CELF4: variants seen among roughly 807,000 people sequenced by gnomAD.
CELF4 encodes CUGBP Elav-like family member 4.
In CELF4, 18 loss-of-function variants were observed where a neutral mutation model predicts 59.9. The ratio of observed to expected loss-of-function variants is 0.30; its 90% CI spans 0.21 to 0.45. CELF4 has a LOEUF of 0.45. Ranked by LOEUF, CELF4 falls within the 20% of genes least tolerant of loss-of-function variation. The probability of loss-of-function intolerance (pLI) is 1.00; values close to 1 mark genes in which losing one functional copy is unlikely to be tolerated. For missense variants in CELF4, 456 were observed against 689.0 expected, an observed-to-expected ratio of 0.66 and a Z score of 3.79; for synonymous variants, 261 against 267.1, an observed-to-expected ratio of 0.98 and a Z score of 0.22.
At chr18:37,325,962 C>A (rs992764542) in intron 2 of CELF4, among the ~76,000 whole-genome samples, 3 of 152,166 alleles carry the variant, frequency 2.0e-5, no homozygotes, top group African/African-American at 4.8e-5. Flanking sequence ...CAGTCTTGGT[C>A]GGGAAGATTT....
intron 2 of CELF4, among the ~76,000 whole-genome samples, chr18:37,375,280 G>A (rs2098954832): frequency 6.6e-6 from 1 of 152,184 alleles, no homozygotes; most frequent in South Asian, 2.1e-4. Flanking sequence ...TGGGAGGGGG[G>A]CATTTACAAA....
At chr18:37,457,878 C>T (rs1027577178) in intron 2 of CELF4, among the ~76,000 whole-genome samples, 2 of 152,168 alleles carry the variant, frequency 1.3e-5, no homozygotes, top group Non-Finnish European at 2.9e-5. Context: ...ATATCCGATG[C>T]TCCAAGGATC....
At chr18:37,535,500 C>T (rs2099972771) in intron 1 of CELF4, among the ~76,000 whole-genome samples, 1 of 152,190 alleles carries the variant, frequency 6.6e-6, no homozygotes, top group South Asian at 2.1e-4. Context: ...CAGGAGCCAC[C>T]TTTATCATAT....
At chr18:37,455,493 A>C (rs1296560817) in intron 2 of CELF4, among the ~76,000 whole-genome samples, 2 of 152,102 alleles carry the variant, frequency 1.3e-5, no homozygotes, top group Admixed American at 1.3e-4. Context: ...GGCAGGAAGG[A>C]ATGTGGTTTG....
intron 2 of CELF4, among the ~76,000 whole-genome samples, chr18:37,443,242 C>T (rs1211274709): frequency 6.6e-6 from 1 of 152,070 alleles, no homozygotes; most frequent in Non-Finnish European, 1.5e-5. Flanking sequence ...CTTCTCCTTC[C>T]TTTGCTTATA....
intron 4 of CELF4, 71 bp from the exon 5 acceptor site, chr18:37,274,955 A>G: frequency 1.3e-6 from 2 of 1,563,558 alleles, no homozygotes; most frequent in South Asian, 1.1e-5. Flanking sequence ...GAGAGGGCGC[A>G]TCCCAGGTGA....
At chr18:37,372,955 A>G (rs535994089) in intron 2 of CELF4, among the ~76,000 whole-genome samples, 83 of 152,324 alleles carry the variant, frequency 5.4e-4, no homozygotes, top group African/African-American at 1.8e-3. Flanking sequence ...AAGAGCCCCA[A>G]TCATTAAAGA....
chr18:37,325,627 C>T (rs764496664), intron 2 of CELF4, among the ~76,000 whole-genome samples: 1 of 152,224 alleles, frequency 6.6e-6, no homozygotes, highest in East Asian at 1.9e-4. Context: ...CTGTTGGGCT[C>T]ACCCCTCACA....
intron 8 of CELF4, 68 bp downstream of exon 8, chr18:37,270,700 C>A: frequency 6.3e-7 from 1 of 1,580,364 alleles, no homozygotes; most frequent in Non-Finnish European, 8.7e-7. Flanking sequence ...GTTATAACAG[C>A]AAGGGCAGGG....
At chr18:37,386,414 G>A (rs1024497727) in intron 2 of CELF4, among the ~76,000 whole-genome samples, 1 of 152,212 alleles carries the variant, frequency 6.6e-6, no homozygotes, top group African/African-American at 2.4e-5. Context: ...CGTGGGGAGA[G>A]ACGGGAAGGC....
At chr18:37,261,976 G>A (rs1049603905) in intron 10 of CELF4, among the ~76,000 whole-genome samples, 5 of 152,166 alleles carry the variant, frequency 3.3e-5, no homozygotes, top group South Asian at 2.1e-4. Context: ...TTCATGACTC[G>A]GACAACTCTG....
intron 2 of CELF4, among the ~76,000 whole-genome samples, chr18:37,478,901 G>T (rs2099858337): frequency 1.3e-5 from 2 of 152,234 alleles, no homozygotes; most frequent in Non-Finnish European, 1.5e-5. Flanking sequence ...GCACATGCCT[G>T]CCAAGCAGGT....
At chr18:37,443,705 G>GCTCCCT (rs952486648) in intron 2 of CELF4, among the ~76,000 whole-genome samples, 1 of 151,992 alleles carries the variant, frequency 6.6e-6, no homozygotes, top group Non-Finnish European at 1.5e-5. Context: ...TGATTCCTCG[G>GCTCCCT]CTCCCTCTCC....
chr18:37,303,976 G>A (rs955416442), intron 3 of CELF4, among the ~76,000 whole-genome samples: 2 of 152,246 alleles, frequency 1.3e-5, no homozygotes, highest in African/African-American at 4.8e-5. Flanking sequence ...GTAAGTGCCA[G>A]ACACCTGCCT....
intron 1 of CELF4, among the ~76,000 whole-genome samples, chr18:37,511,771 T>G (rs568548897): frequency 6.6e-6 from 1 of 152,268 alleles, no homozygotes; most frequent in South Asian, 2.1e-4. Context: ...TCTTTCTTCT[T>G]TTTTGTAAAG....
At position 37,274,786 on chromosome 18, in the gene CELF4, C is replaced by G; in HGVS notation, c.657+19G>C. 2 of 1,567,982 alleles carry G rather than the reference C, an allele frequency of 1.3e-6. No individual in the cohort carries two copies. Among genetic ancestry groups the G allele is most frequent in the Non-Finnish European group, 1.7e-6 (2 of 1,159,922 alleles). On this transcript the variant is annotated intron_variant, in intron 5 of 12. Coordinates refer to ENST00000420428, the MANE Select transcript of CELF4 (RefSeq NM_020180.4). Reference sequence around the variant, plus strand: ...GCCCGCCGCTGCCCTCGCCCCCGCCCCAAGGGGCCAGCACTCACCGGCATG... The same window carrying G: ...GCCCGCCGCTGCCCTCGCCCCCGCCGCAAGGGGCCAGCACTCACCGGCATG...
chr18:37,374,936 C>T (rs1487988823), intron 2 of CELF4, among the ~76,000 whole-genome samples: 1 of 152,190 alleles, frequency 6.6e-6, no homozygotes, highest in Non-Finnish European at 1.5e-5. Flanking sequence ...TGAGCAGGCA[C>T]TCTTGCAGTT....
At chr18:37,327,903 C>A (rs1298378884) in intron 2 of CELF4, among the ~76,000 whole-genome samples, 1 of 152,232 alleles carries the variant, frequency 6.6e-6, no homozygotes, top group Non-Finnish European at 1.5e-5. Flanking sequence ...TGCACCCAAA[C>A]CCTCCTATTC....
intron 10 of CELF4, among the ~76,000 whole-genome samples, 187 bp downstream of exon 10, chr18:37,264,487 C>T (rs1166228214): frequency 2.0e-5 from 3 of 152,370 alleles, no homozygotes; most frequent in South Asian, 2.1e-4. Context: ...CCACAAGAAG[C>T]GGACCTCTAC....
Sources: allele counts gnomAD v4.1 joint callset (sites outside exome capture counted in the v4.1 genomes callset), GRCh38; gene constraint gnomAD v4.1.1; transcripts MANE v1.5; gene names NCBI Gene and HGNC (gene_info 2026-07-23, HGNC 2026-07-21).